PHF24: variants seen among roughly 807,000 people sequenced by gnomAD.
PHF24 encodes the protein PHD finger protein 24, also known as Galpha inhibitory interacting protein.
Under a neutral mutation model 42.6 loss-of-function variants are expected in PHF24, and 25 were observed. That is an observed-to-expected ratio of 0.59 (90% confidence interval 0.43 to 0.82). PHF24 has a LOEUF of 0.82. Ranked by LOEUF, PHF24 falls within the 40% of genes least tolerant of loss-of-function variation. The pLI is 0.00. For missense variants in PHF24, 470 were observed against 538.1 expected, an observed-to-expected ratio of 0.87 and a Z score of 1.25; for synonymous variants, 185 against 204.8, an observed-to-expected ratio of 0.90 and a Z score of 0.83.
chr9:34,706,018 GA>G, the PHF24 span, among the ~76,000 whole-genome samples: 3 of 152,246 alleles, frequency 2.0e-5, no homozygotes, highest in Middle Eastern at 3.4e-3. Flanking sequence ...TGAAGAATTT[GA>G]AAGGCAATGT....
the PHF24 span, among the ~76,000 whole-genome samples, chr9:34,798,998 T>A: frequency 6.6e-6 from 1 of 152,214 alleles, no homozygotes; most frequent in Non-Finnish European, 1.5e-5. Flanking sequence ...CACCTGTATA[T>A]CTTCTTTTGA....
At chr9:34,710,239 C>T in the PHF24 span, 10 of 621,668 alleles carry the variant, frequency 1.6e-5, 1 homozygote, top group South Asian at 2.0e-4. Flanking sequence ...TTGCTGGCAC[C>T]CAGCCCCACT....
At chr9:34,949,470 C>A in the PHF24 span, among the ~76,000 whole-genome samples, 15 of 152,106 alleles carry the variant, frequency 9.9e-5, no homozygotes, top group Admixed American at 9.8e-4. Flanking sequence ...ACCAGAAATG[C>A]CCGTTTGACC....
chr9:34,943,734 T>C, the PHF24 span, among the ~76,000 whole-genome samples: 14 of 152,234 alleles, frequency 9.2e-5, 1 homozygote, highest in South Asian at 8.3e-4. Flanking sequence ...TATTACCATC[T>C]CTACAACTCC....
chr9:34,726,643 A>G, the PHF24 span: 2 of 1,550,702 alleles, frequency 1.3e-6, no homozygotes, highest in Non-Finnish European at 1.7e-6. Context: ...GGAGGTGATC[A>G]GCCCAGTAAT....
At chr9:34,927,228 C>G in the PHF24 span, among the ~76,000 whole-genome samples, 2 of 152,144 alleles carry the variant, frequency 1.3e-5, no homozygotes, top group Non-Finnish European at 2.9e-5. Context: ...TGTGCAGGAC[C>G]AGAGTCACAG....
Position 34,958,734 on chromosome 9 carries a change from C to T in PHF24, c.-5+333C>T, listed in dbSNP as rs1379860181. ...GTGGGAGCAGGCACAAGGGTGGTCT[C>T]TGGAGCTGGCTCAATGGAAGACCAC... is the stretch of plus-strand genomic sequence containing the variant. On this transcript the variant is annotated intron_variant, in intron 1 of 7. Transcript: ENST00000242315. The surrounding 1 kb of genome is among the most constrained non-coding windows in gnomAD (Gnocchi z 4.5). Among the ~76,000 whole-genome samples, 1 of 152,158 alleles carries T rather than the reference C, an allele frequency of 6.6e-6. No individual in the cohort carries two copies. The highest frequency in any genetic ancestry group is 1.5e-5 in the Non-Finnish European group (1 of 68,004).
the PHF24 span, among the ~76,000 whole-genome samples, chr9:34,705,609 C>T: frequency 2.0e-5 from 3 of 152,166 alleles, no homozygotes; most frequent in Non-Finnish European, 4.4e-5. Context: ...CGCATACATG[C>T]ACCAAAAAAA....
rs529771062 is a variant in PHF24, at chr9:34,977,449, T to A, written c.1011-97T>A. ...GGTGTTGCCACATGTCAGAAGAGCC[T>A]GGATGAGCATGTCCAGAGCCTTGGG... On this transcript the variant is annotated intron_variant, in intron 6 of 7. Transcript: ENST00000242315. 1.2e-5 allele frequency: 16 copies of A among 1,334,934 alleles called. No homozygotes were observed. The Admixed American group carries it at 1.6e-4, about 13-fold the overall frequency. The allele number at this position is 1,334,934 out of a possible 1,614,324, so 82.7% of individuals were successfully genotyped here. A position where few individuals can be genotyped will look rare whatever the true frequency, so the allele number is the denominator to read the frequency against.
chr9:34,742,321 G>A, the PHF24 span, among the ~76,000 whole-genome samples: 2 of 152,224 alleles, frequency 1.3e-5, no homozygotes, highest in African/African-American at 2.4e-5. Context: ...GCAGAGCTGG[G>A]AGTGAGAGTG....
the PHF24 span, among the ~76,000 whole-genome samples, chr9:34,788,369 A>G: frequency 6.6e-6 from 1 of 152,120 alleles, no homozygotes; most frequent in South Asian, 2.1e-4. Flanking sequence ...AACATTTGCA[A>G]AATCCACGAC....
chr9:34,912,518 A>G, the PHF24 span, among the ~76,000 whole-genome samples: 92 of 152,254 alleles, frequency 6.0e-4, no homozygotes, highest in African/African-American at 2.0e-3. Flanking sequence ...TTCAGAACAC[A>G]TGAAAAAAAA....
chr9:34,962,146 TC>T (rs1484023304), intron 1 of PHF24, among the ~76,000 whole-genome samples: 5 of 152,222 alleles, frequency 3.3e-5, no homozygotes. Context: ...GGGATTTTCT[TC>T]CTCCTTGAAA....
chr9:34,729,748 G>A, the PHF24 span, among the ~76,000 whole-genome samples: 1 of 152,152 alleles, frequency 6.6e-6, no homozygotes, highest in Non-Finnish European at 1.5e-5. Context: ...ACAACTGTAT[G>A]GTCACCTGTC....
the PHF24 span, among the ~76,000 whole-genome samples, chr9:34,912,135 T>C: frequency 6.6e-6 from 1 of 152,134 alleles, no homozygotes; most frequent in Non-Finnish European, 1.5e-5. Context: ...GGCTGAGCTG[T>C]CATGTAGGCA....
the PHF24 span, among the ~76,000 whole-genome samples, chr9:34,887,029 A>G: frequency 4.6e-5 from 7 of 152,148 alleles, no homozygotes; most frequent in East Asian, 1.2e-3. Flanking sequence ...GTAACACCAA[A>G]CCTACTCCAA....
chr9:34,869,009 G>T, the PHF24 span, among the ~76,000 whole-genome samples: 1 of 152,252 alleles, frequency 6.6e-6, no homozygotes, highest in South Asian at 2.1e-4. Context: ...GCAGTGTTTG[G>T]TTTTCTGTTC....
intron 1 of PHF24, among the ~76,000 whole-genome samples, chr9:34,964,126 C>G (rs1011172621): frequency 6.6e-6 from 1 of 152,204 alleles, no homozygotes; most frequent in Admixed American, 6.5e-5. Flanking sequence ...TTCCTTTACT[C>G]CACTTGCTCA....
At chr9:34,718,041 C>G in the PHF24 span, among the ~76,000 whole-genome samples, 1 of 152,182 alleles carries the variant, frequency 6.6e-6, no homozygotes, top group East Asian at 1.9e-4. Context: ...TCTTCCACCT[C>G]CCCTGACATA....
Sources: allele counts gnomAD v4.1 joint callset (sites outside exome capture counted in the v4.1 genomes callset), GRCh38; gene constraint gnomAD v4.1.1; non-coding constraint Gnocchi (gnomAD v3.1); transcripts MANE v1.5; gene names NCBI Gene and HGNC (gene_info 2026-07-23, HGNC 2026-07-21).